The following APBA2 variants were observed in gnomAD, a reference collection of about 807,000 sequenced individuals.
APBA2 encodes amyloid-beta A4 precursor protein-binding family A member 2.
In APBA2, 30 loss-of-function variants were observed where a neutral mutation model predicts 75.0. The observed-to-expected ratio is 0.40, with a 90% CI of 0.30 to 0.54. The LOEUF is 0.54. APBA2 is among the 20% of genes least tolerant of loss of function. The pLI is 0.49. For missense variants in APBA2, 801 were observed against 1,016.1 expected (o/e 0.79, Z 2.88); for synonymous variants, 444 against 409.6 (o/e 1.08, Z -1.01).
intron 14 of APBA2, among the ~76,000 whole-genome samples, chr15:29,116,435 G>C (rs2152988741): frequency 6.6e-6 from 1 of 152,102 alleles, no homozygotes; most frequent in Non-Finnish European, 1.5e-5. Flanking sequence ...GACCATCCTG[G>C]CTAACACGGT....
rs996570904 is a variant in APBA2, at chr15:28,947,876, A to G, written c.-95+26127A>G. Among the ~76,000 whole-genome samples, 13 of 152,294 alleles carry G rather than the reference A, an allele frequency of 8.5e-5. No homozygotes were observed. In the South Asian group the frequency reaches 1.2e-3, roughly 15 times the overall value. ...GAAGTGGAAATTTTCAAAACTGACT[A>G]ATGTCTCTGCTTCAAGATTTGCTGT... On this transcript the variant is annotated intron_variant, in intron 2 of 14. Transcript: ENST00000683413.
intron 1 of APBA2, among the ~76,000 whole-genome samples, chr15:28,908,986 C>CT (rs558056022): frequency 0.096 from 12,703 of 131,846 alleles, 2,293 homozygotes; most frequent in African/African-American, 0.34. Context: ...ATTTTACTTC[C>CT]TTTTTTTTTT....
chr15:28,939,883 G>A (rs1035217669), intron 2 of APBA2, among the ~76,000 whole-genome samples: 1 of 152,198 alleles, frequency 6.6e-6, no homozygotes, highest in African/African-American at 2.4e-5. Flanking sequence ...GTAAGGACTG[G>A]GGGGAACGTC....
chr15:28,886,563 G>A (rs533048682), intron 1 of APBA2, among the ~76,000 whole-genome samples: 3 of 151,610 alleles, frequency 2.0e-5, no homozygotes, highest in Admixed American at 6.6e-5. Flanking sequence ...CGCGCGGGGG[G>A]CACCGCGGCA....
intron 3 of APBA2, among the ~76,000 whole-genome samples, chr15:29,025,347 T>C (rs2040163494): frequency 6.6e-6 from 1 of 150,750 alleles, no homozygotes; most frequent in South Asian, 2.1e-4. Context: ...CTCACTGCAG[T>C]CTCCGCCACC....
intron 6 of APBA2, among the ~76,000 whole-genome samples, chr15:29,092,760 G>A (rs142008877): frequency 6.6e-6 from 1 of 152,190 alleles, no homozygotes; most frequent in Non-Finnish European, 1.5e-5. Flanking sequence ...TGTTTGGGAT[G>A]TGACGCCTTC....
At chr15:29,035,080 G>T (rs991012361) in intron 3 of APBA2, among the ~76,000 whole-genome samples, 2 of 152,168 alleles carry the variant, frequency 1.3e-5, no homozygotes, top group Admixed American at 6.5e-5. Context: ...CAGGTCCCAG[G>T]TCTCACATTT....
chr15:29,051,056 A>G (rs1197381216), intron 3 of APBA2, among the ~76,000 whole-genome samples: 1 of 152,168 alleles, frequency 6.6e-6, no homozygotes, highest in African/African-American at 2.4e-5. Context: ...TGAGGAATGT[A>G]GTTACTGGAG....
intron 2 of APBA2, among the ~76,000 whole-genome samples, chr15:28,937,564 G>C (rs1274970513): frequency 1.3e-5 from 2 of 152,176 alleles, no homozygotes; most frequent in Non-Finnish European, 2.9e-5. Context: ...GCCCCACTGT[G>C]AAGTGCCTGG....
Position 28,894,513 on chromosome 15 carries a change from C to G in APBA2, c.-205+8235C>G, listed in dbSNP as rs577599614. Among the ~76,000 whole-genome samples the G allele has an allele frequency of 8.5e-5, 13 of 152,254 alleles. No homozygotes were observed. In the East Asian group the frequency reaches 2.5e-3, roughly 30 times the overall value. ...CCTATAAGAGTGGGTGGGTTTACCC[C>G]TTCAGAGCCCAGGCCAGAAGAGCCC... On this transcript the variant is annotated intron_variant, in intron 1 of 14. Coordinates refer to ENST00000683413, the MANE Select transcript of APBA2 (RefSeq NM_001353788.2).
At chr15:28,930,384 T>C (rs776538205) in intron 2 of APBA2, among the ~76,000 whole-genome samples, 1 of 152,138 alleles carries the variant, frequency 6.6e-6, no homozygotes, top group Non-Finnish European at 1.5e-5. Flanking sequence ...CTTTTTCTGC[T>C]CAAATGAACA....
At chr15:29,110,894 G>A (rs1420541603) in intron 13 of APBA2, among the ~76,000 whole-genome samples, 3 of 152,148 alleles carry the variant, frequency 2.0e-5, no homozygotes, top group Admixed American at 1.3e-4. Flanking sequence ...GGCAGCAGAC[G>A]GGGACCAGGG....
chr15:29,011,386 G>A (rs927550448), intron 3 of APBA2, among the ~76,000 whole-genome samples: 2 of 152,012 alleles, frequency 1.3e-5, no homozygotes, highest in African/African-American at 4.8e-5. Context: ...TTTCTCCTTT[G>A]AAATGTGGGT....
intron 2 of APBA2, among the ~76,000 whole-genome samples, chr15:28,956,540 C>G (rs975303889): frequency 1.3e-5 from 2 of 152,320 alleles, no homozygotes; most frequent in African/African-American, 4.8e-5. Flanking sequence ...AAATTAAATA[C>G]TATTTTATTT....
intron 3 of APBA2, among the ~76,000 whole-genome samples, chr15:28,999,239 A>C (rs2038715294): frequency 6.6e-6 from 1 of 152,218 alleles, no homozygotes. Context: ...GGTGGGAAAC[A>C]TACACACATC....
At chr15:28,948,947 G>A (rs1175127104) in intron 2 of APBA2, among the ~76,000 whole-genome samples, 2 of 151,976 alleles carry the variant, frequency 1.3e-5, no homozygotes, top group East Asian at 1.9e-4. Flanking sequence ...GTTGTAAAGC[G>A]GGGGGTGGGG....
intron 1 of APBA2, among the ~76,000 whole-genome samples, chr15:28,901,907 G>GGTGTGTGTGTGTGTGTGT (rs1298489682): frequency 1.3e-4 from 2 of 15,904 alleles, no homozygotes; most frequent in Admixed American, 8.1e-4. Flanking sequence ...GGGAGCTTTT[G>GGTGTGTGTGTGTGTGTGT]ATGTGTGTGT....
chr15:29,105,351 G>C (rs1292093718), intron 10 of APBA2, 28 bp from the exon 11 acceptor site: 2 of 1,604,322 alleles, frequency 1.2e-6, no homozygotes, highest in Non-Finnish European at 1.7e-6. Context: ...CCACGTGCCT[G>C]TCTCCAGCTG....
At chr15:28,926,379 G>A (rs1026219676) in intron 2 of APBA2, among the ~76,000 whole-genome samples, 6 of 152,016 alleles carry the variant, frequency 3.9e-5, no homozygotes, top group African/African-American at 1.4e-4. Flanking sequence ...AATAATCTAA[G>A]CCCACCTTCA....
Sources: allele counts gnomAD v4.1 joint callset (sites outside exome capture counted in the v4.1 genomes callset), GRCh38; gene constraint gnomAD v4.1.1; transcripts MANE v1.5; gene names NCBI Gene and HGNC (gene_info 2026-07-23, HGNC 2026-07-21).